SLC24A2: variants seen among roughly 807,000 people sequenced by gnomAD.
SLC24A2 encodes the protein sodium/potassium/calcium exchanger 2.
SLC24A2 carries 36 observed loss-of-function variants against 62.0 expected under a neutral mutation model. The observed-to-expected ratio is 0.58, with a 90% confidence interval of 0.44 to 0.77. SLC24A2 has a LOEUF of 0.77. Ranked by LOEUF, SLC24A2 falls within the 30% of genes least tolerant of loss-of-function variation. The pLI is 0.00. For synonymous variants in SLC24A2, 358 were observed against 294.0 expected (o/e 1.22, Z -2.23); for missense variants, 846 against 817.9 (o/e 1.03, Z -0.42).
At chr9:19,961,440 A>G in the SLC24A2 span, among the ~76,000 whole-genome samples, 450 of 152,236 alleles carry the variant, frequency 3.0e-3, 4 homozygotes, top group African/African-American at 0.01. Flanking sequence ...TCCAATAAGT[A>G]GACTTAACAA....
At chr9:19,664,562 A>T (rs947113977) in intron 2 of SLC24A2, among the ~76,000 whole-genome samples, 1 of 152,158 alleles carries the variant, frequency 6.6e-6, no homozygotes, top group African/African-American at 2.4e-5. Context: ...TCCCCAAAAG[A>T]TATGTTGAAG....
At chr9:20,283,754 G>T in the SLC24A2 span, among the ~76,000 whole-genome samples, 77 of 111,208 alleles carry the variant, frequency 6.9e-4, no homozygotes, top group Non-Finnish European at 1.1e-3. Flanking sequence ...AAAAAAAAGG[G>T]GGGGGGGGGC....
chr9:20,093,459 T>C, the SLC24A2 span, among the ~76,000 whole-genome samples: 6 of 152,216 alleles, frequency 3.9e-5, no homozygotes, highest in African/African-American at 1.4e-4. Context: ...TAAAATAGTA[T>C]ATACATGAGT....
At chr9:20,041,202 AAG>A in the SLC24A2 span, among the ~76,000 whole-genome samples, 15,492 of 152,098 alleles carry the variant, frequency 0.1, 789 homozygotes, top group East Asian at 0.18. Context: ...GAGAAAAAGA[AAG>A]AGAGATAGGG....
At chr9:19,889,800 G>T in the SLC24A2 span, among the ~76,000 whole-genome samples, 128 of 152,204 alleles carry the variant, frequency 8.4e-4, no homozygotes, top group African/African-American at 2.9e-3. Flanking sequence ...TACACTTTTA[G>T]TTTTTTCTTT....
chr9:20,226,556 G>A, the SLC24A2 span, among the ~76,000 whole-genome samples: 432 of 152,244 alleles, frequency 2.8e-3, 3 homozygotes, highest in African/African-American at 1.0e-2. Context: ...GGCCAGAGAT[G>A]AATTGTGTGC....
chr9:20,044,802 C>G, the SLC24A2 span, among the ~76,000 whole-genome samples: 98 of 152,292 alleles, frequency 6.4e-4, no homozygotes, highest in East Asian at 0.017. Flanking sequence ...CACAGTATCA[C>G]TAAGTCATTA....
the SLC24A2 span, among the ~76,000 whole-genome samples, chr9:19,842,414 G>A: frequency 6.6e-6 from 1 of 152,176 alleles, no homozygotes; most frequent in African/African-American, 2.4e-5. Context: ...GACAACACTT[G>A]AAAAGAATGG....
At chr9:19,881,827 G>A in the SLC24A2 span, among the ~76,000 whole-genome samples, 26,180 of 152,114 alleles carry the variant, frequency 0.17, 2,300 homozygotes, top group Middle Eastern at 0.3. Flanking sequence ...CCTCAAAATG[G>A]AACTTGGGAA....
chr9:19,704,463 G>A (rs944790744), intron 2 of SLC24A2, among the ~76,000 whole-genome samples: 61 of 152,154 alleles, frequency 4.0e-4, no homozygotes, highest in African/African-American at 1.4e-3. Context: ...ACCAACAGTG[G>A]TGGAATTACT....
intron 2 of SLC24A2, among the ~76,000 whole-genome samples, chr9:19,683,072 T>A (rs1383364771): frequency 6.6e-6 from 1 of 152,046 alleles, no homozygotes; most frequent in Non-Finnish European, 1.5e-5. Flanking sequence ...ATAATGCTGA[T>A]GCAAAATTTC....
At chr9:19,865,510 C>T in the SLC24A2 span, among the ~76,000 whole-genome samples, 1 of 152,002 alleles carries the variant, frequency 6.6e-6, no homozygotes, top group African/African-American at 2.4e-5. Flanking sequence ...AACAGACACA[C>T]AATGGAACAG....
chr9:20,072,222 G>A, the SLC24A2 span, among the ~76,000 whole-genome samples: 1 of 152,134 alleles, frequency 6.6e-6, no homozygotes, highest in African/African-American at 2.4e-5. Context: ...TGTAAACCCA[G>A]CAACGCCTAT....
At chr9:19,547,998 A>G (rs1221341386) in intron 8 of SLC24A2, among the ~76,000 whole-genome samples, 3 of 151,654 alleles carry the variant, frequency 2.0e-5, no homozygotes, top group Non-Finnish European at 2.9e-5. Context: ...TGAATAAAGA[A>G]ACTTAAATAT....
At chr9:20,151,441 CTTCTG>C in the SLC24A2 span, among the ~76,000 whole-genome samples, 1 of 151,826 alleles carries the variant, frequency 6.6e-6, no homozygotes. Flanking sequence ...AGTGCATGGC[CTTCTG>C]TTCCATGGTT....
the SLC24A2 span, among the ~76,000 whole-genome samples, chr9:19,878,440 A>G: frequency 6.6e-6 from 1 of 152,226 alleles, no homozygotes; most frequent in Non-Finnish European, 1.5e-5. Flanking sequence ...AAAGCAGAAT[A>G]GAAATAATTA....
the SLC24A2 span, among the ~76,000 whole-genome samples, chr9:20,057,664 A>G: frequency 6.6e-6 from 1 of 152,224 alleles, no homozygotes; most frequent in Non-Finnish European, 1.5e-5. Context: ...GAAAATTTAC[A>G]TATGTGCAAT....
the SLC24A2 span, among the ~76,000 whole-genome samples, chr9:19,813,382 G>T: frequency 1.0e-3 from 148 of 143,930 alleles, 2 homozygotes; most frequent in African/African-American, 3.8e-3. Flanking sequence ...GAATGCGGTG[G>T]CACGATCTCG....
chr9:19,906,351 A>G, the SLC24A2 span, among the ~76,000 whole-genome samples: 3 of 151,866 alleles, frequency 2.0e-5, no homozygotes, highest in Admixed American at 2.0e-4. Context: ...AATTTATAGC[A>G]CTAAATGCCC....
Sources: gnomAD v4.1 joint callset for allele counts (sites outside exome capture counted in the v4.1 genomes callset) on GRCh38, gnomAD v4.1.1 for gene constraint, MANE v1.5 for transcripts, NCBI Gene and HGNC (gene_info 2026-07-23, HGNC 2026-07-21) for gene names.